Variants in FRMD4B observed in about 807,000 individuals in gnomAD.
FRMD4B encodes the protein FERM domain containing 4B.
In FRMD4B, 74 loss-of-function variants were observed where a neutral mutation model predicts 141.5. The ratio of observed to expected loss-of-function variants is 0.52; its 90% CI spans 0.43 to 0.63. The LOEUF is 0.63. FRMD4B is among the 30% of genes least tolerant of loss of function. The probability of loss-of-function intolerance (pLI) is 0.00; values close to 1 mark genes in which losing one functional copy is unlikely to be tolerated. For missense variants in FRMD4B, 1,366 were observed against 1,253.4 expected, an observed-to-expected ratio of 1.09 and a Z score of -1.36; for synonymous variants, 506 against 467.9, an observed-to-expected ratio of 1.08 and a Z score of -1.05.
intron 4 of FRMD4B, among the ~76,000 whole-genome samples, chr3:69,301,948 A>C (rs949085404): frequency 6.6e-6 from 1 of 152,246 alleles, no homozygotes; most frequent in Admixed American, 6.5e-5. Context: ...TGTAGAAAAC[A>C]TTATTGCCAC....
intron 2 of FRMD4B, among the ~76,000 whole-genome samples, chr3:69,394,123 C>A (rs917213313): frequency 6.6e-6 from 1 of 152,334 alleles, no homozygotes; most frequent in East Asian, 1.9e-4. Flanking sequence ...TCTCACAGCT[C>A]TAGAGGCTGG....
chr3:69,194,561 A>C (rs2092877997), intron 16 of FRMD4B, among the ~76,000 whole-genome samples: 1 of 152,196 alleles, frequency 6.6e-6, no homozygotes, highest in Non-Finnish European at 1.5e-5. Context: ...CAAATATTTT[A>C]ACTTGATTGT....
At chr3:69,264,585 A>C (rs1202284525) in intron 5 of FRMD4B, among the ~76,000 whole-genome samples, 1 of 152,186 alleles carries the variant, frequency 6.6e-6, no homozygotes, top group Non-Finnish European at 1.5e-5. Flanking sequence ...CCTAGACAGC[A>C]ATTCTAGATA....
chr3:69,302,503 G>T (rs1303588700), intron 3 of FRMD4B, 68 bp from the exon 4 acceptor site: 2 of 954,268 alleles, frequency 2.1e-6, no homozygotes, highest in Non-Finnish European at 1.7e-6. Context: ...GTACAGTGTT[G>T]GCAAAGCTGT....
At position 69,302,521 on chromosome 3, in the gene FRMD4B, T is replaced by C. The variant is rs1389776089; in HGVS notation, c.324-86A>G. On this transcript the variant is annotated intron_variant, in intron 3 of 22. Transcript: ENST00000398540. The stretch of plus-strand genomic sequence containing the variant: ...CAGTGTTGGCAAAGCTGTGGCGAAA[T>C]AGTTGCTCTCATACACCGATGGTAG... 9.9e-6 allele frequency: 8 copies of C among 808,896 alleles called. No individual in the cohort carries two copies. In the Admixed American group the frequency reaches 1.4e-4, roughly 14 times the overall value. The allele number at this position is 808,896 out of a possible 1,614,324, so 50.1% of individuals were successfully genotyped here.
chr3:69,504,666 T>G (rs553351254), intron 1 of FRMD4B, among the ~76,000 whole-genome samples: 1 of 152,366 alleles, frequency 6.6e-6, no homozygotes, highest in Non-Finnish European at 1.5e-5. Context: ...TTGCTGAATA[T>G]TCCATGGAAC....
intron 5 of FRMD4B, among the ~76,000 whole-genome samples, chr3:69,278,325 G>A (rs978683328): frequency 1.8e-4 from 27 of 152,244 alleles, no homozygotes; most frequent in African/African-American, 6.5e-4. Flanking sequence ...TTAGAGGCAG[G>A]TCTCGCTCTG....
chr3:69,196,030 C>A (rs565734160), intron 14 of FRMD4B, among the ~76,000 whole-genome samples: 3 of 152,204 alleles, frequency 2.0e-5, no homozygotes, highest in Non-Finnish European at 4.4e-5. Flanking sequence ...ACTCACCATC[C>A]TTGCATCTCA....
intron 11 of FRMD4B, among the ~76,000 whole-genome samples, chr3:69,215,039 C>T (rs911441187): frequency 6.6e-6 from 1 of 151,310 alleles, no homozygotes; most frequent in African/African-American, 2.4e-5. Context: ...GCCGCTATGC[C>T]CAGCTCATTT....
chr3:69,327,517 C>A (rs1030682409), intron 1 of FRMD4B, among the ~76,000 whole-genome samples: 8 of 152,314 alleles, frequency 5.3e-5, no homozygotes, highest in Non-Finnish European at 1.0e-4. Flanking sequence ...GGAGTACATG[C>A]TTACTCTCAG....
chr3:69,433,266 C>T (rs758882307), intron 1 of FRMD4B: 11 of 152,154 alleles, frequency 7.2e-5, no homozygotes, highest in South Asian at 2.1e-4. Context: ...GTGCATATCA[C>T]GCCATAAGAT....
intron 8 of FRMD4B, 32 bp from the exon 9 acceptor site, chr3:69,221,955 T>G: frequency 9.1e-7 from 1 of 1,103,004 alleles, no homozygotes; most frequent in Non-Finnish European, 1.4e-6. Context: ...AGGATTGCAA[T>G]GCATGATTAT....
chr3:69,481,096 T>A (rs557289226), intron 1 of FRMD4B, among the ~76,000 whole-genome samples: 1 of 152,298 alleles, frequency 6.6e-6, no homozygotes, highest in South Asian at 2.1e-4. Flanking sequence ...TGACCTGATT[T>A]TCCAGGTGCT....
At chr3:69,273,974 G>A (rs887615470) in intron 5 of FRMD4B, among the ~76,000 whole-genome samples, 10 of 151,654 alleles carry the variant, frequency 6.6e-5, no homozygotes, top group Non-Finnish European at 1.3e-4. Context: ...GAATTCAAAA[G>A]GATGAGTGGA....
intron 1 of FRMD4B, among the ~76,000 whole-genome samples, chr3:69,510,253 TAG>T (rs1706667887): frequency 6.6e-6 from 1 of 152,040 alleles, no homozygotes; most frequent in Non-Finnish European, 1.5e-5. Context: ...CACAAAAAAT[TAG>T]AGAGATGAAA....
At chr3:69,368,690 C>T (rs1320060700) in intron 1 of FRMD4B, among the ~76,000 whole-genome samples, 1 of 152,234 alleles carries the variant, frequency 6.6e-6, no homozygotes, top group Non-Finnish European at 1.5e-5. Context: ...GTGGGAGCTT[C>T]AGCACATAAC....
chr3:69,368,813 A>G (rs1703743517), intron 1 of FRMD4B, among the ~76,000 whole-genome samples: 1 of 152,042 alleles, frequency 6.6e-6, no homozygotes, highest in Non-Finnish European at 1.5e-5. Context: ...ACACACCACC[A>G]TATCTGGCTA....
At chr3:69,418,238 A>G (rs1000223865) in intron 2 of FRMD4B, among the ~76,000 whole-genome samples, 8 of 152,170 alleles carry the variant, frequency 5.3e-5, no homozygotes, top group African/African-American at 1.7e-4. Context: ...CATGTTTACC[A>G]AAAATATACA....
chr3:69,270,868 C>G (rs1196689159), intron 5 of FRMD4B, among the ~76,000 whole-genome samples: 7 of 151,934 alleles, frequency 4.6e-5, no homozygotes, highest in African/African-American at 1.7e-4. Flanking sequence ...CCAGCCCCAA[C>G]CAAGCATTTT....
Sources: gnomAD v4.1 joint callset for allele counts (sites outside exome capture counted in the v4.1 genomes callset) on GRCh38, gnomAD v4.1.1 for gene constraint, MANE v1.5 for transcripts, NCBI Gene and HGNC (gene_info 2026-07-23, HGNC 2026-07-21) for gene names.